Variants in PRX observed in about 807,000 individuals in gnomAD.
PRX encodes periaxin.
Under a neutral mutation model 29.6 loss-of-function variants are expected in PRX, and 24 were observed. The ratio of observed to expected loss-of-function variants is 0.81; its 90% CI spans 0.59 to 1.14. The LOEUF is 1.14. Among genes scored for constraint, PRX ranks in the 50% most tolerant of loss-of-function variants. The pLI is 0.00. For missense variants in PRX, 1,838 were observed against 1,926.4 expected (o/e 0.95, Z 0.86); for synonymous variants, 772 against 831.7 (o/e 0.93, Z 1.24).
At position 40,397,053 on chromosome 19, in the gene PRX, C is replaced by G. The variant is rs1298040791; in HGVS notation, c.1299G>C (p.Glu433Asp). Reference sequence around the variant, plus strand: ...CTTCAGGTCCCTTGGGCACCTTGACCTCGGGCCCTGACACTCCGATGCCAA... The same window carrying G: ...CTTCAGGTCCCTTGGGCACCTTGACGTCGGGCCCTGACACTCCGATGCCAA... ...PSLGIGVSGPEVKVPKGPEVK... is the reference protein window; with the variant it reads ...PSLGIGVSGPDVKVPKGPEVK... Residue 433 changes from glutamate (E) to aspartate (D), a missense_variant, in exon 7 of 7, where the codon GAG becomes GAC. Glu to Asp is a conservative substitution (Grantham distance 45, BLOSUM62 2). Transcript: ENST00000324001. 2.5e-6 allele frequency: 4 copies of G among 1,614,004 alleles called. No homozygotes were observed. The highest frequency in any genetic ancestry group is 1.7e-6 in the Non-Finnish European group (2 of 1,180,052).
At position 40,403,774 on chromosome 19, in the gene PRX, T is replaced by C. The variant is rs769792831; in HGVS notation, c.116A>G (p.Lys39Arg). Residue 39 changes from lysine (K) to arginine (R), a missense_variant, in exon 5 of 7, where the codon AAA (lysine) becomes AGA (arginine). By Grantham distance (26) the Lys-to-Arg change is conservative (BLOSUM62 2). Coordinates refer to ENST00000324001, the MANE Select transcript of PRX (RefSeq NM_181882.3). ...CAGCTCCCGAACGAAGATTCCCTCT[T>C]TGCCGCCGCCCGCTACGTTGATGCC... is the stretch of plus-strand genomic sequence containing the variant. ...VSGINVAGGGKEGIFVRELRE... is the reference protein window; with the variant it reads ...VSGINVAGGGREGIFVRELRE... 12 of 1,601,270 alleles carry C rather than the reference T, an allele frequency of 7.5e-6. No homozygotes were observed. Among genetic ancestry groups the C allele is most frequent in the Middle Eastern group, 1.7e-4 (1 of 6,008 alleles).
At chr19:40,410,920 A>G (rs1234442167) in intron 1 of PRX, among the ~76,000 whole-genome samples, 1 of 152,216 alleles carries the variant, frequency 6.6e-6, no homozygotes, top group Non-Finnish European at 1.5e-5. Context: ...TAGCTGGACA[A>G]TCATAATAAC....
intron 1 of PRX, among the ~76,000 whole-genome samples, chr19:40,411,495 A>T (rs2079558639): frequency 6.6e-6 from 1 of 152,064 alleles, no homozygotes; most frequent in Non-Finnish European, 1.5e-5. Context: ...CTGGGTCATC[A>T]GCTCTCTGTC....
Position 40,398,113 on chromosome 19 carries a change from C to T in PRX, c.382-143G>A. 4.2e-6 allele frequency: 6 copies of T among 1,442,256 alleles called. No homozygotes were observed. In the South Asian group the frequency reaches 6.0e-5, roughly 14 times the overall value. 89.3% of individuals were successfully genotyped at this position (1,442,256 alleles called of 1,614,324 possible). A position where few individuals can be genotyped will look rare whatever the true frequency, so the allele number is the denominator to read the frequency against. On this transcript the variant is annotated intron_variant, in intron 6 of 6. Coordinates refer to ENST00000324001, the MANE Select transcript of PRX (RefSeq NM_181882.3). This position sits in a 1 kb window ranked among gnomAD's most constrained non-coding sequence, Gnocchi z 6.3. Reference sequence around the variant, plus strand: ...CCCCAAACATCATCCCCACTTCTTGCCTGTCATTTCACCATGAGTGCCCAG... The same window carrying T: ...CCCCAAACATCATCCCCACTTCTTGTCTGTCATTTCACCATGAGTGCCCAG...
rs1322648926 is a variant in PRX, at chr19:40,395,805, G to A, written c.2547C>T (p.Val849=). ...CCACTGAAGGCAGAGTGAGAGAGGG[G>A]ACACCCACATGAGCCTCACCATCCA... ...PEVDGEAHVG[V]PSLTLPSVEL... Residue 849 remains valine (V), a synonymous_variant, in exon 7 of 7, where the codon GTC becomes GTT. Coordinates refer to ENST00000324001, the MANE Select transcript of PRX (RefSeq NM_181882.3). 4 of 1,614,166 alleles carry A rather than the reference G, an allele frequency of 2.5e-6. No homozygotes were observed. Among genetic ancestry groups the A allele is most frequent in the South Asian group, 2.2e-5 (2 of 91,090 alleles).
chr19:40,408,333 C>G lies in PRX; in HGVS notation c.-199+7G>C, dbSNP rs541213273. ...GGGAGGGGCATATGGCACCAGCCTG[C>G]GCTCACCTGAGGGTCACCTCCAGCT... On this transcript the variant is annotated splice_region_variant and intron_variant, in intron 2 of 6. Transcript: ENST00000324001. 26 of 368,560 alleles carry G rather than the reference C, an allele frequency of 7.1e-5. No individual in the cohort carries two copies. In the East Asian group the frequency reaches 1.4e-3, roughly 20 times the overall value. 22.8% of individuals were successfully genotyped at this position (368,560 alleles called of 1,614,324 possible).
Position 40,396,913 on chromosome 19 carries a change from T to C in PRX, c.1439A>G (p.Lys480Arg). ...LPKVSEMKLP[K>R]VPEMAVPEVR... ...CTCCGGCACAGCCATCTCTGGCACCTTTGGGAGTTTCATCTCTGACACCTT... is the reference window on the plus strand; with the variant it reads ...CTCCGGCACAGCCATCTCTGGCACCCTTGGGAGTTTCATCTCTGACACCTT... Residue 480 changes from lysine to arginine, a missense_variant, in exon 7 of 7, where the codon AAG (lysine) becomes AGG (arginine). Transcript: ENST00000324001. The C allele has an allele frequency of 6.2e-7, 1 of 1,614,172 alleles. No homozygotes were observed. Among genetic ancestry groups the C allele is most frequent in the Non-Finnish European group, 8.5e-7 (1 of 1,180,012 alleles).
At position 40,394,146 on chromosome 19, in the gene PRX, G is replaced by A. The variant is rs771992595; in HGVS notation, c.4206C>T (p.Pro1402=). The change falls in exon 7 of 7, where the codon CCC becomes CCT. Residue 1402 remains proline, a synonymous_variant. Coordinates refer to ENST00000324001, the MANE Select transcript of PRX (RefSeq NM_181882.3). This position sits in a 1 kb window ranked among gnomAD's most constrained non-coding sequence, Gnocchi z 5.8. The stretch of plus-strand genomic sequence containing the variant: ...GGAACTTGGGTGACTTCTCTCTGAC[G>A]GGGGACTTGGGGGCTGCATCGCCCT... ...GQEGDAAPKS[P]VREKSPKFRF... is the part of the protein sequence containing the mutation. The A allele has an allele frequency of 5.6e-6, 9 of 1,593,336 alleles. No individual in the cohort carries two copies. The highest frequency in any genetic ancestry group is 1.7e-5 in the Admixed American group (1 of 58,370).
rs751443099 is a variant in PRX at position 40,393,977 on chromosome 19, C to A, written c.4375G>T (p.Ala1459Ser). 1 of 1,612,728 alleles carries A rather than the reference C, an allele frequency of 6.2e-7. No individual in the cohort carries two copies. The highest frequency in any genetic ancestry group is 1.1e-5 in the South Asian group (1 of 91,084). ...TCTGACTAGGGGCTTCAGACAGCCG[C>A]AGCCTGAGCCCCCTCCATCCTGGCC... ...GPARMEGAQA[A>S]AV The change falls in exon 7 of 7, where the codon GCG becomes TCG. Residue 1459 changes from alanine (A) to serine (S), a missense_variant. By Grantham distance (99) the Ala-to-Ser change is moderately conservative. Coordinates refer to ENST00000324001, the MANE Select transcript of PRX (RefSeq NM_181882.3).
Position 40,394,532 on chromosome 19 carries a change from G to C in PRX, c.3820C>G (p.Leu1274Val), listed in dbSNP as rs1363808943. Reference protein sequence around the residue: ...QPPGAERTFCLSLPDVELSPS... With the variant: ...QPPGAERTFCVSLPDVELSPS... ...GAGAGCTCCACGTCGGGCAGTGAGA[G>C]GCAGAAGGTACGCTCGGCCCCTGGG... Residue 1274 changes from leucine to valine, a missense_variant, in exon 7 of 7, where the codon CTC becomes GTC. Physicochemically the swap from Leu to Val is conservative, Grantham distance 32. This residue lies in a region of PRX where 1,143 missense variants were observed against 1,193.0 expected (regional missense o/e 0.96). Transcript: ENST00000324001. This position sits in a 1 kb window ranked among gnomAD's most constrained non-coding sequence, Gnocchi z 5.8. 6.2e-7 allele frequency: 1 copy of C among 1,603,158 alleles called. No individual in the cohort carries two copies. Among genetic ancestry groups the C allele is most frequent in the Non-Finnish European group, 8.5e-7 (1 of 1,175,506 alleles).
chr19:40,402,928 G>A (rs1304857232), intron 5 of PRX, among the ~76,000 whole-genome samples: 1 of 152,136 alleles, frequency 6.6e-6, no homozygotes, highest in African/African-American at 2.4e-5. Context: ...CCAGCACTTT[G>A]GGAGACTGAG....
At chr19:40,401,659 C>A (rs2079494687) in intron 5 of PRX, among the ~76,000 whole-genome samples, 2 of 152,142 alleles carry the variant, frequency 1.3e-5, no homozygotes, top group Admixed American at 1.3e-4. Context: ...CTACCACAAG[C>A]TAGGCATGGT....
In PRX at chr19:40,394,134, CTT is replaced by C. The variant is rs779727296; in HGVS notation, c.4216_4217del (p.Lys1406ValfsTer81). 5 of 1,599,648 alleles carry C rather than the reference CTT, an allele frequency of 3.1e-6. No homozygotes were observed. The highest frequency in any genetic ancestry group is 2.2e-5 in the East Asian group (1 of 44,570). On this transcript the variant is annotated frameshift_variant, in exon 7 of 7. Coordinates refer to ENST00000324001, the MANE Select transcript of PRX (RefSeq NM_181882.3). LOFTEE classifies it high-confidence loss of function. This position sits in a 1 kb window ranked among gnomAD's most constrained non-coding sequence, Gnocchi z 5.8. ...CCCTGGGGAAGCGGAACTTGGGTGA[CTT>C]CTCTCTGACGGGGGACTTGGGGGCT... is the stretch of plus-strand genomic sequence containing the variant. ...DAAPKSPVRE[K>X]SPKFRFPRVS...
chr19:40,408,978 G>A (rs1284637025), intron 1 of PRX, among the ~76,000 whole-genome samples: 2 of 151,714 alleles, frequency 1.3e-5, no homozygotes, highest in African/African-American at 4.8e-5. Context: ...CTACAGGCAC[G>A]CACCTTGGGA....
chr19:40,393,793 G>A lies in PRX; in HGVS notation c.*173C>T. The A allele has an allele frequency of 1.1e-6, 1 of 914,772 alleles. No individual in the cohort carries two copies. Among genetic ancestry groups the A allele is most frequent in the Non-Finnish European group, 1.6e-6 (1 of 606,286 alleles). The allele number at this position is 914,772 out of a possible 1,614,324, so 56.7% of individuals were successfully genotyped here. ...TACTTCCAGATTATTTTATTCACAT[G>A]GCTTGGTGGGGTACAGGCACTCCTG... On this transcript the variant is annotated 3_prime_UTR_variant, in exon 7 of 7. Coordinates refer to ENST00000324001, the MANE Select transcript of PRX (RefSeq NM_181882.3).
rs1417857332 is a variant in PRX, at chr19:40,395,638, G to A, written c.2714C>T (p.Thr905Ile). 2.5e-6 allele frequency: 4 copies of A among 1,614,060 alleles called. No homozygotes were observed. The highest frequency in any genetic ancestry group is 2.2e-5 in the East Asian group (1 of 44,884). ...AATTTCCACGGCGGGCAGCTGTGGG[G>A]TGACAATTTCAACAGAGGGCACTCG... The part of the protein sequence containing the change: ...GFRVPSVEIV[T>I]PQLPAVEIEE... Residue 905 changes from threonine (T) to isoleucine (I), a missense_variant, in exon 7 of 7, where the codon ACC becomes ATC. This residue lies in a region of PRX where 1,143 missense variants were observed against 1,193.0 expected (regional missense o/e 0.96). Coordinates refer to ENST00000324001, the MANE Select transcript of PRX (RefSeq NM_181882.3).
rs1174568257 is a variant in PRX, at chr19:40,398,349, G to T, written c.381+271C>A. On this transcript the variant is annotated intron_variant, in intron 6 of 6. Coordinates refer to ENST00000324001, the MANE Select transcript of PRX (RefSeq NM_181882.3). This position sits in a 1 kb window ranked among gnomAD's most constrained non-coding sequence, Gnocchi z 6.3. ...GGCTGGAATCTGGCTTTCCTGGTTC[G>T]AAGTAGCCTGGTTCAGGACCCCTAG... The T allele has an allele frequency of 2.1e-6, 3 of 1,428,948 alleles. No individual in the cohort carries two copies. In the East Asian group the frequency reaches 7.5e-5, roughly 36 times the overall value. 88.5% of individuals were successfully genotyped at this position (1,428,948 alleles called of 1,614,324 possible).
chr19:40,408,403 C>A lies in PRX; in HGVS notation c.-242-20G>T. The A allele has an allele frequency of 3.8e-6, 1 of 262,424 alleles. No individual in the cohort carries two copies. The highest frequency in any genetic ancestry group is 7.6e-6 in the Non-Finnish European group (1 of 131,614). The allele number at this position is 262,424 out of a possible 1,614,324, so 16.3% of individuals were successfully genotyped here. ...GGCGCTCTAAGAAGAATAATGTGAG[C>A]AGTGTTATTGGCTAACAGCCACCGA... On this transcript the variant is annotated intron_variant, in intron 1 of 6. Transcript: ENST00000324001.
In PRX at chr19:40,396,951, C is replaced by G. The variant is rs572962587; in HGVS notation, c.1401G>C (p.Glu467Asp). 12 of 1,614,182 alleles carry G rather than the reference C, an allele frequency of 7.4e-6. No individual in the cohort carries two copies. In the South Asian group the frequency reaches 1.3e-4, roughly 18 times the overall value. The change falls in exon 7 of 7, where the codon GAG becomes GAC. Residue 467 changes from glutamate (E) to aspartate (D), a missense_variant. Physicochemically the swap from Glu to Asp is conservative, Grantham distance 45. This residue lies in a region of PRX where 666 missense variants were observed against 665.0 expected (regional missense o/e 1.00). Coordinates refer to ENST00000324001, the MANE Select transcript of PRX (RefSeq NM_181882.3). ...EAALPEVRLP[E>D]VELPKVSEMK... is the part of the protein sequence containing the mutation. ...TCTCTGACACCTTGGGGAGCTCCAC[C>G]TCTGGGAGTCGAACCTCTGGAAGGG...
Sources: gnomAD v4.1 joint callset for allele counts (sites outside exome capture counted in the v4.1 genomes callset) on GRCh38, gnomAD v4.1.1 for gene constraint, gnomAD v4.1.1 regional missense constraint, Gnocchi (gnomAD v3.1) non-coding constraint, MANE v1.5 for transcripts, NCBI Gene and HGNC (gene_info 2026-07-23, HGNC 2026-07-21) for gene names.